Variants in DNAH11 observed in about 807,000 individuals in gnomAD.
DNAH11 encodes axonemal beta dynein heavy chain 11.
Under a neutral mutation model 526.0 loss-of-function variants are expected in DNAH11, and 442 were observed. The ratio of observed to expected loss-of-function variants is 0.84; its 90% CI spans 0.78 to 0.91. The LOEUF (loss-of-function observed/expected upper bound fraction) is 0.91, where lower values mean the gene tolerates loss of function less well. Ranked by LOEUF, DNAH11 falls within the 40% of genes least tolerant of loss-of-function variation. The pLI is 0.00. For missense variants in DNAH11, 6,989 were observed against 5,448.7 expected, an observed-to-expected ratio of 1.28 and a Z score of -8.90; for synonymous variants, 2,461 against 1,935.9, an observed-to-expected ratio of 1.27 and a Z score of -7.12.
At chr7:21,883,306 C>G (rs1186058102) in intron 75 of DNAH11, among the ~76,000 whole-genome samples, 3 of 152,218 alleles carry the variant, frequency 2.0e-5, no homozygotes, top group Non-Finnish European at 4.4e-5. Context: ...AAGGCTTCAT[C>G]ACACACTGGC....
intron 54 of DNAH11, among the ~76,000 whole-genome samples, chr7:21,755,791 A>G (rs886529259): frequency 1.2e-4 from 18 of 152,136 alleles, no homozygotes; most frequent in Admixed American, 1.0e-3. Context: ...TAAAAATCAA[A>G]TGATCAAGAA....
At chr7:21,855,683 C>T (rs1422600571) in intron 68 of DNAH11, among the ~76,000 whole-genome samples, 1 of 152,194 alleles carries the variant, frequency 6.6e-6, no homozygotes, top group Non-Finnish European at 1.5e-5. Context: ...GCCTGCTGGG[C>T]AGTGCTCATT....
At chr7:21,706,185 A>G (rs1437250090) in intron 39 of DNAH11, among the ~76,000 whole-genome samples, 3 of 152,082 alleles carry the variant, frequency 2.0e-5, no homozygotes, top group Admixed American at 1.3e-4. Context: ...CGGCACAACA[A>G]TGATATACTA....
intron 69 of DNAH11, among the ~76,000 whole-genome samples, chr7:21,862,421 C>G (rs968441174): frequency 1.3e-5 from 2 of 152,134 alleles, no homozygotes; most frequent in African/African-American, 4.8e-5. Context: ...AAAACAGCGA[C>G]TGGGTTCGTC....
rs150663302 is a variant in DNAH11 at position 21,892,561 on chromosome 7, T to C, written c.12644T>C (p.Ile4215Thr). 1,149 of 1,613,954 alleles carry C rather than the reference T, an allele frequency of 7.1e-4. 11 individuals carry two copies. In the African/African-American group the frequency reaches 0.014, roughly 19 times the overall value. Residue 4215 changes from isoleucine to threonine, a missense_variant, in exon 77 of 82, where the codon ATA (isoleucine) becomes ACA (threonine). Coordinates refer to ENST00000409508, the MANE Select transcript of DNAH11 (RefSeq NM_001277115.2). ...ALYGLHPNAE[I>T]EFLTVTSNTL... ...TATGGCCTCCACCCAAATGCTGAAA[T>C]AGAATTCCTGACAGTGACATCCAAC...
chr7:21,751,914 G>T (rs943599708), intron 54 of DNAH11, among the ~76,000 whole-genome samples: 1 of 152,196 alleles, frequency 6.6e-6, no homozygotes, highest in Non-Finnish European at 1.5e-5. Context: ...TTTCTTTATA[G>T]AATGGGAAAA....
chr7:21,744,550 G>T lies in DNAH11; in HGVS notation c.8267G>T (p.Cys2756Phe). ...GACAAACTGATAGACAAAAAAGATT[G>T]TGATTTGTTTCAGAGAAGAATGCTG... is the stretch of plus-strand genomic sequence containing the variant. ...YGDKLIDKKD[C>F]DLFQRRMLET... Residue 2756 changes from cysteine (C) to phenylalanine (F), a missense_variant, in exon 50 of 82, where the codon TGT becomes TTT. Transcript: ENST00000409508. 1 of 1,613,396 alleles carries T rather than the reference G, an allele frequency of 6.2e-7. No individual in the cohort carries two copies. The highest frequency in any genetic ancestry group is 1.1e-5 in the South Asian group (1 of 90,778).
chr7:21,864,455 C>G, intron 69 of DNAH11, 80 bp from the exon 70 acceptor site: 1 of 1,450,726 alleles, frequency 6.9e-7, no homozygotes, highest in Non-Finnish European at 9.4e-7. Context: ...TCAGTCATGT[C>G]TGTTAAATGT....
At chr7:21,723,402 C>G (rs1374551475) in intron 44 of DNAH11, among the ~76,000 whole-genome samples, 1 of 152,232 alleles carries the variant, frequency 6.6e-6, no homozygotes, top group African/African-American at 2.4e-5. Flanking sequence ...CTATGTTCTT[C>G]AGCCATTGCA....
Position 21,748,665 on chromosome 7 carries a change from A to C in DNAH11, c.8596A>C (p.Arg2866=). The C allele has an allele frequency of 6.2e-7, 1 of 1,613,678 alleles. No individual in the cohort carries two copies. Among genetic ancestry groups the C allele is most frequent in the Non-Finnish European group, 8.5e-7 (1 of 1,179,702 alleles). ...VGGSGKQSLS[R]LAAYLRGLEV... ...GGGCAGTGGCAAGCAGAGCTTGTCC[A>C]GGCTGGCAGCTTACCTTCGTGGCCT... Residue 2866 remains arginine (R), a synonymous_variant, in exon 52 of 82, where the codon AGG becomes CGG. Coordinates refer to ENST00000409508, the MANE Select transcript of DNAH11 (RefSeq NM_001277115.2).
intron 24 of DNAH11, 66 bp downstream of exon 24, chr7:21,619,288 T>G: frequency 6.5e-7 from 1 of 1,548,046 alleles, no homozygotes; most frequent in Non-Finnish European, 8.7e-7. Flanking sequence ...GAAGCCAACT[T>G]AGAGAAAAGT....
At chr7:21,860,825 G>A (rs977426700) in intron 68 of DNAH11, among the ~76,000 whole-genome samples, 1 of 152,152 alleles carries the variant, frequency 6.6e-6, no homozygotes, top group African/African-American at 2.4e-5. Flanking sequence ...TGGCTGGGGA[G>A]GCCTCACAAT....
At chr7:21,881,611 T>G (rs978145105) in intron 75 of DNAH11, among the ~76,000 whole-genome samples, 11 of 152,224 alleles carry the variant, frequency 7.2e-5, no homozygotes, top group African/African-American at 2.7e-4. Context: ...TTAAGTTAAA[T>G]CCGTTAAGAC....
At chr7:21,712,216 C>G (rs774923435) in intron 42 of DNAH11, among the ~76,000 whole-genome samples, 3 of 152,090 alleles carry the variant, frequency 2.0e-5, no homozygotes, top group Non-Finnish European at 4.4e-5. Flanking sequence ...GTAGTATTTC[C>G]TTTTTTAAGG....
chr7:21,739,419 A>T (rs1469896801), intron 47 of DNAH11, among the ~76,000 whole-genome samples, 152 bp from the exon 48 acceptor site: 1 of 152,180 alleles, frequency 6.6e-6, no homozygotes, highest in Non-Finnish European at 1.5e-5. Flanking sequence ...TTCAGTTTTG[A>T]TGTCTCTCAA....
intron 73 of DNAH11, among the ~76,000 whole-genome samples, chr7:21,872,406 T>G (rs1034397964): frequency 3.9e-5 from 6 of 152,214 alleles, no homozygotes; most frequent in Non-Finnish European, 4.4e-5. Flanking sequence ...TGTTCCATGT[T>G]TGCCCTCATT....
chr7:21,662,327 A>G lies in DNAH11; in HGVS notation c.5328+3296A>G, dbSNP rs150596321. ...TGTAACATGTGTGCCTACCACTTAGATTCTACAATTAATATCTTGTTTTAT... is the reference window on the plus strand; with the variant it reads ...TGTAACATGTGTGCCTACCACTTAGGTTCTACAATTAATATCTTGTTTTAT... On this transcript the variant is annotated intron_variant, in intron 30 of 81. Coordinates refer to ENST00000409508, the MANE Select transcript of DNAH11 (RefSeq NM_001277115.2). Among the ~76,000 whole-genome samples, 7 of 152,268 alleles carry G rather than the reference A, an allele frequency of 4.6e-5. No homozygotes were observed. In the East Asian group the frequency reaches 1.2e-3, roughly 25 times the overall value.
Position 21,561,138 on chromosome 7 carries a change from C to T in DNAH11, c.950C>T (p.Thr317Ile). ...LTTKQSSYFP[T>I]LKDIFLAVEN... is the part of the protein sequence containing the mutation. ...ACTAAACAAAGCAGCTATTTTCCTA[C>T]TCTGAAGGACATTTTTCTGGCTGTG... is the stretch of plus-strand genomic sequence containing the variant. The change falls in exon 5 of 82, where the codon ACT (threonine) becomes ATT (isoleucine). Residue 317 changes from threonine (T) to isoleucine (I), a missense_variant. By Grantham distance (89) the Thr-to-Ile change is moderately conservative. Transcript: ENST00000409508. The T allele has an allele frequency of 1.3e-6, 2 of 1,599,874 alleles. No individual in the cohort carries two copies. The highest frequency in any genetic ancestry group is 1.1e-5 in the South Asian group (1 of 88,180).
chr7:21,654,460 A>G (rs1238595919), intron 28 of DNAH11, among the ~76,000 whole-genome samples: 1 of 152,200 alleles, frequency 6.6e-6, no homozygotes, highest in East Asian at 1.9e-4. Context: ...GTATGGATAT[A>G]CCACATTTTG....
Sources: allele counts gnomAD v4.1 joint callset (sites outside exome capture counted in the v4.1 genomes callset), GRCh38; gene constraint gnomAD v4.1.1; transcripts MANE v1.5; gene names NCBI Gene and HGNC (gene_info 2026-07-23, HGNC 2026-07-21).